Variants in PFKFB3 observed in about 807,000 individuals in gnomAD.
PFKFB3 encodes 6-phosphofructo-2-kinase/fructose-2,6-bisphosphatase 3.
PFKFB3 carries 33 observed loss-of-function variants against 68.0 expected under a neutral mutation model. The observed-to-expected ratio is 0.49, with a 90% CI of 0.37 to 0.65. The LOEUF is 0.65. Among genes scored for constraint, PFKFB3 ranks in the 30% least tolerant of loss-of-function variants. The pLI is 0.00. For synonymous variants in PFKFB3, 315 were observed against 288.2 expected, an observed-to-expected ratio of 1.09 and a Z score of -0.94; for missense variants, 586 against 712.2, an observed-to-expected ratio of 0.82 and a Z score of 2.02.
the PFKFB3 span, among the ~76,000 whole-genome samples, chr10:6,272,228 A>C: frequency 6.6e-6 from 1 of 152,192 alleles, no homozygotes; most frequent in African/African-American, 2.4e-5. Flanking sequence ...GGAGATGATA[A>C]ATGTCCCTTC....
chr10:6,284,552 A>G, the PFKFB3 span, among the ~76,000 whole-genome samples: 10 of 152,198 alleles, frequency 6.6e-5, no homozygotes, highest in African/African-American at 2.4e-4. Context: ...AACTTTCTTC[A>G]TCCTTTTACT....
chr10:6,298,054 A>G, the PFKFB3 span, among the ~76,000 whole-genome samples: 2 of 152,200 alleles, frequency 1.3e-5, no homozygotes. Flanking sequence ...GGAACTTACC[A>G]GAACAGAAAG....
At chr10:6,157,327 C>T (rs546222244) in intron 1 of PFKFB3, among the ~76,000 whole-genome samples, 5 of 151,508 alleles carry the variant, frequency 3.3e-5, no homozygotes, top group East Asian at 4.0e-4. Context: ...CCTGGGTTCA[C>T]GCCATTCTCC....
chr10:6,210,424 T>A lies in PFKFB3; in HGVS notation c.77-3199T>A, dbSNP rs868049548. Among the ~76,000 whole-genome samples, 6 of 98,138 alleles carry A rather than the reference T, an allele frequency of 6.1e-5. 2 individuals are homozygous for A. Among genetic ancestry groups the A allele is most frequent in the African/African-American group, 1.5e-4 (5 of 33,848 alleles). 64.4% of individuals were successfully genotyped at this position (98,138 alleles called of 152,430 possible). On this transcript the variant is annotated intron_variant, in intron 1 of 14. Transcript: ENST00000379775. Reference sequence around the variant, plus strand: ...CACCCAGGCTGGAGTGCAGTGGCGCTATCTCGGCTCACTGCAAGCTCCGCC... The same window carrying A: ...CACCCAGGCTGGAGTGCAGTGGCGCAATCTCGGCTCACTGCAAGCTCCGCC...
chr10:6,153,326 A>T (rs2131685052), intron 1 of PFKFB3, among the ~76,000 whole-genome samples: 1 of 152,342 alleles, frequency 6.6e-6, no homozygotes, highest in Non-Finnish European at 1.5e-5. Context: ...TCCTTTCAGC[A>T]GTGCCCAGTA....
chr10:6,154,156 C>T lies in PFKFB3; in HGVS notation c.16+9143C>T, dbSNP rs987078693. 1.3e-5 allele frequency among the ~76,000 whole-genome samples: 2 copies of T among 152,020 alleles called. No homozygotes were observed. Among genetic ancestry groups the T allele is most frequent in the African/African-American group, 4.8e-5 (2 of 41,366 alleles). ...TTAGGAAGGGAGTGGCGGCTCAGCA[C>T]GTCCTCATCTCCCATGGTAGGGCCT... is the stretch of plus-strand genomic sequence containing the variant. On this transcript the variant is annotated intron_variant, in intron 1 of 14. Coordinates refer to the PFKFB3 transcript ENST00000379789. This position sits in a 1 kb window ranked among gnomAD's most constrained non-coding sequence, Gnocchi z 4.6.
At chr10:6,160,096 C>G (rs939211845) in intron 1 of PFKFB3, among the ~76,000 whole-genome samples, 2 of 152,110 alleles carry the variant, frequency 1.3e-5, no homozygotes, top group African/African-American at 2.4e-5. Flanking sequence ...ACAACTAAAA[C>G]TAAACAATGC....
intron 1 of PFKFB3, among the ~76,000 whole-genome samples, chr10:6,193,644 G>T (rs549510826): frequency 6.6e-6 from 1 of 152,216 alleles, no homozygotes; most frequent in Non-Finnish European, 1.5e-5. Flanking sequence ...GTGCAGGCGG[G>T]CTGAGTCCAA....
intron 1 of PFKFB3, among the ~76,000 whole-genome samples, chr10:6,174,826 T>A (rs1294993683): frequency 2.6e-5 from 4 of 151,866 alleles, no homozygotes; most frequent in Non-Finnish European, 5.9e-5. Context: ...TTAATTTTTT[T>A]TTTTTTTTTA....
chr10:6,240,540 A>C (rs568969151), intron 14 of PFKFB3, among the ~76,000 whole-genome samples: 5 of 152,314 alleles, frequency 3.3e-5, no homozygotes, highest in African/African-American at 9.6e-5. Flanking sequence ...CTGGGATTAC[A>C]GACGTGAGCC....
upstream of PFKFB3, among the ~76,000 whole-genome samples, chr10:6,198,262 GAAAAA>G (rs1843228756): frequency 7.0e-6 from 1 of 143,718 alleles, no homozygotes; most frequent in African/African-American, 2.6e-5. Context: ...AAAAAAAAAA[GAAAAA>G]GAAAAGAAAA....
rs1844511604 is a variant in PFKFB3 at position 6,215,450 on chromosome 10, G to A, written c.299+133G>A. ...TGTGGGAATAAGGCTGGGCTGCGGGGCTGCGGGTGTAAGGCTGGGCTGCGG... is the reference window on the plus strand; with the variant it reads ...TGTGGGAATAAGGCTGGGCTGCGGGACTGCGGGTGTAAGGCTGGGCTGCGG... On this transcript the variant is annotated intron_variant, in intron 3 of 14. Coordinates refer to ENST00000379775, the MANE Select transcript of PFKFB3 (RefSeq NM_004566.4). The surrounding 1 kb of genome is among the most constrained non-coding windows in gnomAD (Gnocchi z 4.3). The A allele has an allele frequency of 2.9e-6, 2 of 700,966 alleles. No homozygotes were observed. The highest frequency in any genetic ancestry group is 2.7e-5 in the East Asian group (1 of 36,906). 43.4% of individuals were successfully genotyped at this position (700,966 alleles called of 1,614,324 possible).
chr10:6,316,722 C>T, the PFKFB3 span, among the ~76,000 whole-genome samples: 1 of 152,130 alleles, frequency 6.6e-6, no homozygotes, highest in African/African-American at 2.4e-5. Flanking sequence ...AAGTGACTCC[C>T]AAAGTGCTAG....
At chr10:6,170,050 T>C (rs914359704) in intron 1 of PFKFB3, among the ~76,000 whole-genome samples, 10 of 152,216 alleles carry the variant, frequency 6.6e-5, no homozygotes, top group Non-Finnish European at 1.5e-4. Flanking sequence ...TTCTGGGACT[T>C]CTGTTTGTGG....
At chr10:6,192,439 T>C (rs908124616) in intron 1 of PFKFB3, among the ~76,000 whole-genome samples, 2 of 146,938 alleles carry the variant, frequency 1.4e-5, no homozygotes, top group African/African-American at 5.1e-5. Flanking sequence ...GGAAGAAATA[T>C]GAGGGGAACA....
At chr10:6,235,771 CTT>C (rs55776515), downstream of PFKFB3, among the ~76,000 whole-genome samples, 26 of 135,372 alleles carry the variant, frequency 1.9e-4, no homozygotes, top group South Asian at 9.4e-4. Flanking sequence ...TCTTTTTTTT[CTT>C]TTTTTTTTTT....
intron 1 of PFKFB3, among the ~76,000 whole-genome samples, chr10:6,177,390 T>TTCTTTCTTTCTTTC (rs1842516770): frequency 3.1e-5 from 2 of 63,720 alleles, no homozygotes; most frequent in South Asian, 1.6e-3. Context: ...CTTTCTTTCT[T>TTCTTTCTTTCTTTC]TCTTTCTTTC....
At chr10:6,150,998 T>G (rs1028063574) in intron 1 of PFKFB3, among the ~76,000 whole-genome samples, 1 of 151,522 alleles carries the variant, frequency 6.6e-6, no homozygotes, top group Non-Finnish European at 1.5e-5. Flanking sequence ...AAACTCAGTC[T>G]CAGAACAACA....
chr10:6,151,854 G>A (rs1276498612), intron 1 of PFKFB3, among the ~76,000 whole-genome samples: 1 of 152,114 alleles, frequency 6.6e-6, no homozygotes, highest in African/African-American at 2.4e-5. Context: ...CAGTGCTGTG[G>A]CTGTCGGGCG....
Sources: allele counts gnomAD v4.1 joint callset (sites outside exome capture counted in the v4.1 genomes callset), GRCh38; gene constraint gnomAD v4.1.1; non-coding constraint Gnocchi (gnomAD v3.1); transcripts MANE v1.5; gene names NCBI Gene and HGNC (gene_info 2026-07-23, HGNC 2026-07-21).